The following ELAPOR1 variants were observed in gnomAD, a reference collection of about 807,000 sequenced individuals.
ELAPOR1 encodes the protein endosome-lysosome associated apoptosis and autophagy regulator 1.
Under a neutral mutation model 119.7 loss-of-function variants are expected in ELAPOR1, and 77 were observed. The ratio of observed to expected loss-of-function variants is 0.64; its 90% CI spans 0.54 to 0.78. The LOEUF is 0.78. Ranked by LOEUF, ELAPOR1 falls within the 30% of genes least tolerant of loss-of-function variation. The probability of loss-of-function intolerance (pLI) is 0.00; values close to 1 mark genes in which losing one functional copy is unlikely to be tolerated. For missense variants in ELAPOR1, 1,115 were observed against 1,270.4 expected (o/e 0.88, Z 1.86); for synonymous variants, 481 against 487.2 (o/e 0.99, Z 0.17).
At chr1:109,124,977 G>A (rs1316140148) in intron 1 of ELAPOR1, among the ~76,000 whole-genome samples, 1 of 152,024 alleles carries the variant, frequency 6.6e-6, no homozygotes, top group Non-Finnish European at 1.5e-5. Context: ...CACCCAGGCT[G>A]GACTGCAGTG....
At position 109,205,732 on chromosome 1, in the gene ELAPOR1, C is replaced by G. The variant is rs981754629; in HGVS notation, c.*2720C>G. 1 of 152,186 alleles carries G rather than the reference C, an allele frequency of 6.6e-6. No homozygotes were observed. Among genetic ancestry groups the G allele is most frequent in the Non-Finnish European group, 1.5e-5 (1 of 68,040 alleles). The allele number at this position is 152,186 out of a possible 1,614,324, so 9.4% of individuals were successfully genotyped here. On this transcript the variant is annotated 3_prime_UTR_variant, in exon 22 of 22. Transcript: ENST00000369939. ...TATGTCTTTGACTTCTTTATTCTGA[C>G]TCCACTGATTTTAGCCATAATACTT... is the stretch of plus-strand genomic sequence containing the variant.
intron 1 of ELAPOR1, among the ~76,000 whole-genome samples, chr1:109,155,667 A>C (rs1248993429): frequency 6.6e-6 from 1 of 152,220 alleles, no homozygotes; most frequent in Non-Finnish European, 1.5e-5. Context: ...TTAGCACTTA[A>C]TATTTATTTG....
intron 7 of ELAPOR1, among the ~76,000 whole-genome samples, chr1:109,179,788 C>G (rs1652585579): frequency 3.3e-5 from 5 of 152,046 alleles, no homozygotes. Flanking sequence ...CGCCTGTAAT[C>G]CCAGCAACTT....
rs1651292123 is a variant in ELAPOR1 at position 109,161,979 on chromosome 1, C to T, written c.239C>T (p.Thr80Ile). The T allele has an allele frequency of 6.2e-7, 1 of 1,613,782 alleles. No homozygotes were observed. The highest frequency in any genetic ancestry group is 8.5e-7 in the Non-Finnish European group (1 of 1,179,704). The part of the protein sequence containing the change: ...VAVPHTPGLC[T>I]SLPDPIKGTE... ...GTGCCGCATACCCCGGGCCTGTGCA[C>T]CAGCCTGCCTGACCCCATCAAGGGC... Residue 80 changes from threonine (T) to isoleucine (I), a missense_variant, in exon 2 of 22, where the codon ACC becomes ATC. Thr to Ile is a moderately conservative substitution (Grantham distance 89, BLOSUM62 -1). Coordinates refer to ENST00000369939, the MANE Select transcript of ELAPOR1 (RefSeq NM_020775.5).
rs751198483 is a variant in ELAPOR1 at position 109,199,635 on chromosome 1, G to A, written c.2502-219G>A. ...AAGATGTCAGCAAAAACATAAACGGGCAGAGGGTGGGGAGCCCACTGGAGG... is the reference window on the plus strand; with the variant it reads ...AAGATGTCAGCAAAAACATAAACGGACAGAGGGTGGGGAGCCCACTGGAGG... On this transcript the variant is annotated intron_variant, in intron 18 of 21. Transcript: ENST00000369939. 3.3e-5 allele frequency among the ~76,000 whole-genome samples: 5 copies of A among 152,218 alleles called. No individual in the cohort carries two copies. The East Asian group carries it at 9.6e-4, about 29-fold the overall frequency.
At chr1:109,176,717 A>G (rs1652312978) in intron 7 of ELAPOR1, among the ~76,000 whole-genome samples, 1 of 146,582 alleles carries the variant, frequency 6.8e-6, no homozygotes, top group Non-Finnish European at 1.5e-5. Context: ...CAAATGAACA[A>G]AGGTCTCTGG....
In ELAPOR1 at chr1:109,198,211, T is replaced by C. The variant is rs939712428; in HGVS notation, c.2399+136T>C. The stretch of plus-strand genomic sequence containing the variant: ...GAGGTCTAGCAGATCTGCCCAGTCA[T>C]GATAGCTAAGGGCTGGGAGTTCCTG... On this transcript the variant is annotated intron_variant, in intron 17 of 21. Coordinates refer to ENST00000369939, the MANE Select transcript of ELAPOR1 (RefSeq NM_020775.5). 5.6e-6 allele frequency: 4 copies of C among 713,488 alleles called. No individual in the cohort carries two copies. In the African/African-American group the frequency reaches 7.0e-5, roughly 12 times the overall value. The allele number at this position is 713,488 out of a possible 1,614,324, so 44.2% of individuals were successfully genotyped here. A position where few individuals can be genotyped will look rare whatever the true frequency, so the allele number is the denominator to read the frequency against.
At chr1:109,152,966 A>T (rs914181058) in intron 1 of ELAPOR1, among the ~76,000 whole-genome samples, 19 of 150,978 alleles carry the variant, frequency 1.3e-4, no homozygotes, top group African/African-American at 4.6e-4. Flanking sequence ...AAAAAAAAAA[A>T]AAAGAAAGAA....
In ELAPOR1 at chr1:109,200,180, C is replaced by T. The variant is rs1324128743; in HGVS notation, c.2750C>T (p.Thr917Ile). 61 of 1,614,078 alleles carry T rather than the reference C, an allele frequency of 3.8e-5. No homozygotes were observed. Among genetic ancestry groups the T allele is most frequent in the Non-Finnish European group, 4.7e-5 (55 of 1,180,040 alleles). The change falls in exon 20 of 22, where the codon ACC becomes ATC. Residue 917 changes from threonine to isoleucine, a missense_variant. Coordinates refer to ENST00000369939, the MANE Select transcript of ELAPOR1 (RefSeq NM_020775.5). ...FWLKVGISAG[T>I]CTAILLTVLT... ...CTGAAAGTGGGCATCTCTGCAGGCA[C>T]CTGTACTGCCATCCTGCTCACCGTC...
chr1:109,132,887 C>T (rs544951895), intron 1 of ELAPOR1, among the ~76,000 whole-genome samples: 12 of 152,078 alleles, frequency 7.9e-5, no homozygotes, highest in East Asian at 3.9e-4. Flanking sequence ...GAAATACCTC[C>T]GTCAAAATAG....
At position 109,173,537 on chromosome 1, in the gene ELAPOR1, A is replaced by C. The variant is rs1272296643; in HGVS notation, c.760A>C (p.Lys254Gln). The change falls in exon 6 of 22, where the codon AAA (lysine) becomes CAA (glutamine). Residue 254 changes from lysine (K) to glutamine (Q), a missense_variant. Physicochemically the swap from Lys to Gln is moderately conservative, Grantham distance 53. Transcript: ENST00000369939. ...AACCACAGCCTTCTCAGTATGGACC[A>C]AAGTACCCAAGCCTGTGCTGGTGAG... ...WRTTAFSVWT[K>Q]VPKPVLVRNI... 1 of 1,614,228 alleles carries C rather than the reference A, an allele frequency of 6.2e-7. No individual in the cohort carries two copies. The highest frequency in any genetic ancestry group is 2.2e-5 in the East Asian group (1 of 44,890).
chr1:109,144,047 A>ATTTTT (rs1279392506), intron 1 of ELAPOR1, among the ~76,000 whole-genome samples: 1 of 46,584 alleles, frequency 2.1e-5, no homozygotes, highest in African/African-American at 6.7e-5. Flanking sequence ...ATATATATAT[A>ATTTTT]TATATATTTA....
At chr1:109,200,669 C>T in intron 20 of ELAPOR1, 66 bp from the exon 21 acceptor site, 1 of 1,509,900 alleles carries the variant, frequency 6.6e-7, no homozygotes, top group South Asian at 1.2e-5. Flanking sequence ...AGCCTAACCT[C>T]TCTACCTCTT....
intron 5 of ELAPOR1, among the ~76,000 whole-genome samples, chr1:109,173,131 T>A (rs1652026492): frequency 6.7e-6 from 1 of 148,826 alleles, no homozygotes; most frequent in Non-Finnish European, 1.5e-5. Flanking sequence ...GACTGGGTAT[T>A]CTGGGGAGGG....
At chr1:109,117,938 T>A (rs1295077168) in intron 1 of ELAPOR1, among the ~76,000 whole-genome samples, 1 of 152,068 alleles carries the variant, frequency 6.6e-6, no homozygotes, top group Non-Finnish European at 1.5e-5. Context: ...AAAACCAGCC[T>A]GGCCAACATT....
intron 5 of ELAPOR1, 60 bp downstream of exon 5, chr1:109,172,628 C>A: frequency 7.8e-7 from 1 of 1,274,950 alleles, no homozygotes; most frequent in East Asian, 2.3e-5. Flanking sequence ...GGCCTTTCCT[C>A]AGAGAGTGCT....
intron 1 of ELAPOR1, among the ~76,000 whole-genome samples, chr1:109,153,539 T>C (rs1484502254): frequency 6.6e-6 from 1 of 152,202 alleles, no homozygotes; most frequent in Non-Finnish European, 1.5e-5. Flanking sequence ...TGTACATGCA[T>C]GTATAGAATC....
intron 7 of ELAPOR1, among the ~76,000 whole-genome samples, chr1:109,178,413 A>G (rs916454230): frequency 1.2e-4 from 19 of 152,166 alleles, no homozygotes; most frequent in African/African-American, 4.6e-4. Flanking sequence ...CTTCCAGAAT[A>G]CAGGGTCAGT....
At chr1:109,150,756 GA>G (rs1650486348) in intron 1 of ELAPOR1, among the ~76,000 whole-genome samples, 1 of 152,292 alleles carries the variant, frequency 6.6e-6, no homozygotes, top group Middle Eastern at 3.4e-3. Flanking sequence ...TTCCCCCTTC[GA>G]AGGGGCTGGC....
Sources: gnomAD v4.1 joint callset for allele counts (sites outside exome capture counted in the v4.1 genomes callset) on GRCh38, gnomAD v4.1.1 for gene constraint, MANE v1.5 for transcripts, NCBI Gene and HGNC (gene_info 2026-07-23, HGNC 2026-07-21) for gene names.